ZNF765: variants seen among roughly 807,000 people sequenced by gnomAD.
ZNF765 encodes the protein zinc finger protein 765.
In ZNF765, 37 loss-of-function variants were observed where a neutral mutation model predicts 44.7. That is an observed-to-expected ratio of 0.83 (90% confidence interval 0.64 to 1.09). ZNF765 has a LOEUF of 1.09. ZNF765 is among the 50% of genes least tolerant of loss of function. The probability of loss-of-function intolerance (pLI) is 0.00; values close to 1 mark genes in which losing one functional copy is unlikely to be tolerated. For missense variants in ZNF765, 594 were observed against 626.1 expected (o/e 0.95, Z 0.55); for synonymous variants, 201 against 213.7 (o/e 0.94, Z 0.52).
chr19:53,417,724 T>C (rs1311003468), intron 3 of ZNF765, among the ~76,000 whole-genome samples: 2 of 152,236 alleles, frequency 1.3e-5, no homozygotes, highest in Non-Finnish European at 2.9e-5. Context: ...CAAAAATTTC[T>C]AATGTAAACT....
At chr19:53,414,671 C>T (rs1034847551), downstream of ZNF765, among the ~76,000 whole-genome samples, 8 of 150,656 alleles carry the variant, frequency 5.3e-5, no homozygotes, top group African/African-American at 1.5e-4. Flanking sequence ...TACCTGGGTG[C>T]GCATTTGTTG....
Position 53,408,752 on chromosome 19 carries a change from A to T in ZNF765, c.1197A>T (p.Thr399=), listed in dbSNP as rs1568781619. 4.4e-6 allele frequency: 7 copies of T among 1,575,404 alleles called. No individual in the cohort carries two copies. The highest frequency in any genetic ancestry group is 6.0e-6 in the Non-Finnish European group (7 of 1,157,152). ...CCTTTAGTCACAAGTCATCTCTTACATACCATCGTAGACTTCATACTGAAG... is the reference window on the plus strand; with the variant it reads ...CCTTTAGTCACAAGTCATCTCTTACTTACCATCGTAGACTTCATACTGAAG... ...SKTFSHKSSL[T]YHRRLHTEEK... Residue 399 remains threonine, a synonymous_variant, in exon 4 of 4, where the codon ACA becomes ACT. Transcript: ENST00000396408.
In ZNF765 at chr19:53,409,227, T is replaced by C; in HGVS notation, c.*100T>C. On this transcript the variant is annotated 3_prime_UTR_variant, in exon 4 of 4. Transcript: ENST00000396408. ...ACAAATATGAAGAACTTGACAAAGC[T>C]TACAATTTCAAATCAAACCTTGAAA... The C allele has an allele frequency of 8.1e-7, 1 of 1,239,658 alleles. No individual in the cohort carries two copies. Among genetic ancestry groups the C allele is most frequent in the East Asian group, 2.3e-5 (1 of 42,934 alleles). 76.8% of individuals were successfully genotyped at this position (1,239,658 alleles called of 1,614,324 possible).
intron 1 of ZNF765, among the ~76,000 whole-genome samples, 158 bp downstream of exon 1, chr19:53,395,351 CT>C (rs1488650608): frequency 6.6e-6 from 1 of 152,138 alleles, no homozygotes; most frequent in Non-Finnish European, 1.5e-5. Context: ...GGGTCGCTTC[CT>C]TTTGGGTTTA....
chr19:53,413,001 T>C (rs1000615744), downstream of ZNF765, among the ~76,000 whole-genome samples: 4 of 151,954 alleles, frequency 2.6e-5, no homozygotes, highest in African/African-American at 9.7e-5. Flanking sequence ...TCCCAGTTAC[T>C]GGGAAGGCTG....
intron 3 of ZNF765, 143 bp from the exon 4 acceptor site, chr19:53,407,555 C>T: frequency 1.9e-6 from 1 of 537,092 alleles, no homozygotes; most frequent in Non-Finnish European, 3.0e-6. Context: ...GTTAAAGAAT[C>T]TTATGCTTTT....
chr19:53,408,720 A>G lies in ZNF765; in HGVS notation c.1165A>G (p.Ser389Gly), dbSNP rs10425136. 1,375,699 of 1,613,180 alleles carry G rather than the reference A, an allele frequency of 0.85. 589,050 individuals are homozygous for G. The highest frequency in any genetic ancestry group is 0.89 in the Admixed American group (53,332 of 59,964). The change falls in exon 4 of 4, where the codon AGC (serine) becomes GGC (glycine). Residue 389 changes from serine to glycine, a missense_variant. By Grantham distance (56) the Ser-to-Gly change is moderately conservative (BLOSUM62 0). Transcript: ENST00000396408. Reference sequence around the variant, plus strand: ...GAAACCTTACAAGTGTAATGAGTGTAGCAAGACCTTTAGTCACAAGTCATC... The same window carrying G: ...GAAACCTTACAAGTGTAATGAGTGTGGCAAGACCTTTAGTCACAAGTCATC... ...GEKPYKCNECSKTFSHKSSLT... is the reference protein window; with the variant it reads ...GEKPYKCNECGKTFSHKSSLT...
At chr19:53,415,538 T>C (rs1034130201), downstream of ZNF765, among the ~76,000 whole-genome samples, 1 of 149,278 alleles carries the variant, frequency 6.7e-6, no homozygotes, top group South Asian at 2.1e-4. Flanking sequence ...TTTTAGTGTT[T>C]AAATATTTTA....
chr19:53,418,836 C>T (rs1420729197), intron 3 of ZNF765, among the ~76,000 whole-genome samples: 2 of 134,210 alleles, frequency 1.5e-5, no homozygotes, highest in Middle Eastern at 8.9e-3. Flanking sequence ...ACCTGGGGGG[C>T]GGAGGTTGCT....
In ZNF765 at chr19:53,408,886, A is replaced by G. The variant is rs1196205676; in HGVS notation, c.1331A>G (p.Asp444Gly). 1.2e-6 allele frequency: 2 copies of G among 1,613,864 alleles called. No homozygotes were observed. The highest frequency in any genetic ancestry group is 3.3e-5 in the Admixed American group (2 of 59,986). ...GEKPYKCEEC[D>G]KAYSFKSNLE... ...AAACCTTACAAATGTGAAGAATGTG[A>G]CAAAGCCTACAGTTTCAAATCAAAC... The change falls in exon 4 of 4, where the codon GAC becomes GGC. Residue 444 changes from aspartate to glycine, a missense_variant. Transcript: ENST00000396408.
downstream of ZNF765, chr19:53,413,137 C>A: frequency 2.0e-6 from 1 of 501,554 alleles, no homozygotes; most frequent in South Asian, 1.6e-5. Flanking sequence ...AGATGTCAAG[C>A]CTCTTCTCTT....
chr19:53,409,778 C>T lies in ZNF765; in HGVS notation c.*651C>T, dbSNP rs780230195. 7.6e-5 allele frequency: 62 copies of T among 813,396 alleles called. No individual in the cohort carries two copies. The highest frequency in any genetic ancestry group is 1.3e-4 in the Non-Finnish European group (59 of 468,888). 50.4% of individuals were successfully genotyped at this position (813,396 alleles called of 1,614,324 possible). On this transcript the variant is annotated 3_prime_UTR_variant, in exon 4 of 4. Coordinates refer to ENST00000396408, the MANE Select transcript of ZNF765 (RefSeq NM_001040185.3). ...TCATAGACTTCATACTGGAGAGATA[C>T]CTTAAAAGTGTAGTGAGTGTGGCAA...
At chr19:53,425,619 C>T (rs118059320) in exon 4 of ZNF765, 1 of 152,232 alleles carries the variant, frequency 6.6e-6, no homozygotes, top group Admixed American at 6.5e-5. Flanking sequence ...GCCTAAAACT[C>T]TTTTACTCCT....
intron 3 of ZNF765, among the ~76,000 whole-genome samples, chr19:53,404,960 C>G (rs112365567): frequency 2.6e-4 from 39 of 152,288 alleles, no homozygotes; most frequent in African/African-American, 8.7e-4. Flanking sequence ...GCTCACACCT[C>G]TAATCCCAAC....
rs923957725 is a variant in ZNF765 at position 53,417,890 on chromosome 19, G to A, written c.143-5172G>A. ...TTGGGTGGAAAGACTTCTCAGGGAG[G>A]CAGAGAATCCACTGAGACATACGTA... On this transcript the variant is annotated intron_variant, in intron 3 of 3. Coordinates refer to the ZNF765 transcript ENST00000594030. Among the ~76,000 whole-genome samples, 4 of 152,196 alleles carry A rather than the reference G, an allele frequency of 2.6e-5. 1 individual carries two copies. Among genetic ancestry groups the A allele is most frequent in the Middle Eastern group, 6.8e-3 (2 of 294 alleles).
chr19:53,407,479 T>G (rs1406240020), intron 3 of ZNF765, among the ~76,000 whole-genome samples: 16 of 152,236 alleles, frequency 1.1e-4, no homozygotes, highest in Admixed American at 1.0e-3. Flanking sequence ...TGTCAGTGTT[T>G]TGTCACGATA....
At chr19:53,400,400 C>T (rs117604925) in intron 2 of ZNF765, among the ~76,000 whole-genome samples, 3,464 of 152,126 alleles carry the variant, frequency 0.023, 58 homozygotes, top group East Asian at 0.1. Flanking sequence ...AGATATCTCA[C>T]GATTCCTCCA....
Position 53,410,277 on chromosome 19 carries a change from A to G in ZNF765, c.*1150A>G, listed in dbSNP as rs1228814756. ...GTTACAAATGTGAAGCATGTGACAAAGTTTACAGTCGCAAATCAAGCCTCC... is the reference window on the plus strand; with the variant it reads ...GTTACAAATGTGAAGCATGTGACAAGGTTTACAGTCGCAAATCAAGCCTCC... On this transcript the variant is annotated 3_prime_UTR_variant, in exon 4 of 4. Transcript: ENST00000396408. The G allele has an allele frequency of 8.3e-6, 3 of 360,314 alleles. No individual in the cohort carries two copies. The highest frequency in any genetic ancestry group is 1.7e-5 in the Non-Finnish European group (3 of 177,526). 22.3% of individuals were successfully genotyped at this position (360,314 alleles called of 1,614,324 possible).
At position 53,408,433 on chromosome 19, in the gene ZNF765, A is replaced by G. The variant is rs762451125; in HGVS notation, c.878A>G (p.His293Arg). 1.9e-6 allele frequency: 3 copies of G among 1,613,742 alleles called. No homozygotes were observed. Among genetic ancestry groups the G allele is most frequent in the Non-Finnish European group, 2.5e-6 (3 of 1,179,780 alleles). ...TYYLTCHRRL[H>R]TGEKPYKCEE... is the part of the protein sequence containing the mutation. ...TACCTAACATGCCATCGTAGACTTCATACTGGAGAGAAACCTTACAAATGT... is the reference window on the plus strand; with the variant it reads ...TACCTAACATGCCATCGTAGACTTCGTACTGGAGAGAAACCTTACAAATGT... The change falls in exon 4 of 4, where the codon CAT becomes CGT. Residue 293 changes from histidine (H) to arginine (R), a missense_variant. Transcript: ENST00000396408.
Sources: allele counts gnomAD v4.1 joint callset (sites outside exome capture counted in the v4.1 genomes callset), GRCh38; gene constraint gnomAD v4.1.1; transcripts MANE v1.5; gene names NCBI Gene and HGNC (gene_info 2026-07-23, HGNC 2026-07-21).